MAD1L1: variants seen among roughly 807,000 people sequenced by gnomAD.
MAD1L1 encodes mitotic arrest deficient 1 like 1.
MAD1L1 carries 95 observed loss-of-function variants against 96.9 expected under a neutral mutation model. That is an observed-to-expected ratio of 0.98 (90% CI 0.83 to 1.16). The LOEUF (loss-of-function observed/expected upper bound fraction) is 1.16, where lower values mean the gene tolerates loss of function less well. Ranked by LOEUF, MAD1L1 falls within the 50% of genes most tolerant of loss-of-function variation. The pLI is 0.00. For synonymous variants in MAD1L1, 473 were observed against 396.6 expected (o/e 1.19, Z -2.29); for missense variants, 1,007 against 954.4 (o/e 1.06, Z -0.73).
intron 12 of MAD1L1, among the ~76,000 whole-genome samples, chr7:2,057,516 C>T (rs540813754): frequency 6.6e-6 from 1 of 151,832 alleles, no homozygotes; most frequent in African/African-American, 2.4e-5. Flanking sequence ...TCCATTCCCC[C>T]CACCGCCCCC....
chr7:2,157,669 C>T (rs1387257628), intron 10 of MAD1L1, among the ~76,000 whole-genome samples: 2 of 151,540 alleles, frequency 1.3e-5, no homozygotes, highest in Non-Finnish European at 2.9e-5. Flanking sequence ...CTGGCTGTCA[C>T]GAGCTCCACA....
intron 10 of MAD1L1, among the ~76,000 whole-genome samples, chr7:2,171,820 C>G (rs1004139773): frequency 6.6e-6 from 1 of 152,224 alleles, no homozygotes; most frequent in African/African-American, 2.4e-5. Context: ...GAGGCCTCAC[C>G]GTGCCCAGTA....
At chr7:1,884,538 A>G (rs1785891065) in intron 18 of MAD1L1, among the ~76,000 whole-genome samples, 1 of 152,074 alleles carries the variant, frequency 6.6e-6, no homozygotes. Flanking sequence ...CCTCAGCCCA[A>G]ACTCCCATTG....
intron 11 of MAD1L1, among the ~76,000 whole-genome samples, chr7:2,081,197 G>A (rs779052115): frequency 5.9e-5 from 9 of 152,106 alleles, no homozygotes; most frequent in Non-Finnish European, 8.8e-5. Context: ...AAGCTGGGCC[G>A]GGGTGGGGAG....
chr7:2,014,549 C>T lies in MAD1L1; in HGVS notation c.1312G>A (p.Ala438Thr). 6.2e-7 allele frequency: 1 copy of T among 1,610,418 alleles called. No homozygotes were observed. The highest frequency in any genetic ancestry group is 8.5e-7 in the Non-Finnish European group (1 of 1,179,704). The stretch of plus-strand genomic sequence containing the variant: ...TGCACCTTCTGCACCATATCCTCAG[C>T]CTCCCGCATGCGCCGCGTCAGCTGG... ...SPQLTRRMREAEDMVQKVHSH... is the reference protein window; with the variant it reads ...SPQLTRRMRETEDMVQKVHSH... The change falls in exon 13 of 19, where the codon GCT becomes ACT. Residue 438 changes from alanine (A) to threonine (T), a missense_variant. Ala to Thr is a moderately conservative substitution (Grantham distance 58). Coordinates refer to ENST00000265854, the MANE Select transcript of MAD1L1 (RefSeq NM_001013836.2).
At chr7:1,950,243 TG>T (rs1779427527) in intron 16 of MAD1L1, among the ~76,000 whole-genome samples, 1 of 152,160 alleles carries the variant, frequency 6.6e-6, no homozygotes, top group Non-Finnish European at 1.5e-5. Flanking sequence ...CTCAGTCTCA[TG>T]TCACCCAGCG....
intron 10 of MAD1L1, among the ~76,000 whole-genome samples, chr7:2,208,903 C>T (rs1048507142): frequency 5.9e-5 from 9 of 152,106 alleles, no homozygotes; most frequent in Non-Finnish European, 7.4e-5. Context: ...CTGATCACAT[C>T]GCTGCCTCCA....
intron 18 of MAD1L1, among the ~76,000 whole-genome samples, chr7:1,891,209 T>A (rs1786517394): frequency 6.6e-6 from 1 of 152,238 alleles, no homozygotes; most frequent in African/African-American, 2.4e-5. Flanking sequence ...GTGCTTGTGC[T>A]TTAAGCTAAG....
chr7:2,151,904 C>A (rs1789590324), intron 10 of MAD1L1, among the ~76,000 whole-genome samples: 1 of 152,224 alleles, frequency 6.6e-6, no homozygotes, highest in Non-Finnish European at 1.5e-5. Context: ...CTCATTCTGG[C>A]ACTGATGGGC....
At chr7:1,844,539 C>T (rs988013614) in intron 18 of MAD1L1, among the ~76,000 whole-genome samples, 3 of 152,160 alleles carry the variant, frequency 2.0e-5, no homozygotes, top group Admixed American at 6.5e-5. Flanking sequence ...CAGGGAGAGG[C>T]GCAGGCAGGG....
intron 10 of MAD1L1, among the ~76,000 whole-genome samples, chr7:2,185,264 A>G (rs1250984812): frequency 1.3e-5 from 2 of 151,536 alleles, no homozygotes; most frequent in African/African-American, 2.4e-5. Context: ...GAATAAACAC[A>G]GTACAATTCC....
intron 16 of MAD1L1, among the ~76,000 whole-genome samples, chr7:1,941,623 A>G (rs1779003088): frequency 6.6e-6 from 1 of 152,178 alleles, no homozygotes; most frequent in South Asian, 2.1e-4. Flanking sequence ...CTCAGCCGCT[A>G]CGCATGCACC....
intron 15 of MAD1L1, among the ~76,000 whole-genome samples, chr7:1,975,283 C>T (rs1780585884): frequency 6.6e-6 from 1 of 152,238 alleles, no homozygotes; most frequent in African/African-American, 2.4e-5. Context: ...GCCACGCCTT[C>T]CCACCTGGGA....
chr7:2,232,704 C>G lies in MAD1L1; in HGVS notation c.-190+168G>C, dbSNP rs1794270672. Among the ~76,000 whole-genome samples, 3 of 152,222 alleles carry G rather than the reference C, an allele frequency of 2.0e-5. 1 individual carries two copies. The highest frequency in any genetic ancestry group is 7.2e-5 in the African/African-American group (3 of 41,544). On this transcript the variant is annotated intron_variant, in intron 1 of 18. Transcript: ENST00000265854. ...GGAGGGGAGAGCACAGAGAGGAGAG[C>G]GCGCCCATGGGAGACGGGGCGGGCG...
At chr7:2,014,091 A>C (rs1181564164) in intron 13 of MAD1L1, among the ~76,000 whole-genome samples, 2 of 152,150 alleles carry the variant, frequency 1.3e-5, no homozygotes, top group Non-Finnish European at 2.9e-5. Context: ...GCCCCAGCAG[A>C]GCCTCCCCAG....
At position 1,935,372 on chromosome 7, in the gene MAD1L1, G is replaced by A. The variant is rs985339575; in HGVS notation, c.1807+1315C>T. 3.9e-5 allele frequency among the ~76,000 whole-genome samples: 6 copies of A among 152,294 alleles called. No homozygotes were observed. In the East Asian group the frequency reaches 5.8e-4, roughly 15 times the overall value. ...AGGAGCCCCCGACTGCCATCAGCTCGCCCCTCAATCTGGCAACACAGGCCC... is the reference window on the plus strand; with the variant it reads ...AGGAGCCCCCGACTGCCATCAGCTCACCCCTCAATCTGGCAACACAGGCCC... On this transcript the variant is annotated intron_variant, in intron 17 of 18. Transcript: ENST00000265854.
At chr7:2,017,764 T>C (rs965910297) in intron 12 of MAD1L1, among the ~76,000 whole-genome samples, 2 of 152,276 alleles carry the variant, frequency 1.3e-5, no homozygotes, top group Non-Finnish European at 2.9e-5. Context: ...GCCCCAAGCA[T>C]GCCGATGATT....
chr7:2,161,154 C>T (rs1248095711), intron 10 of MAD1L1, among the ~76,000 whole-genome samples: 1 of 141,196 alleles, frequency 7.1e-6, no homozygotes, highest in Non-Finnish European at 1.6e-5. Context: ...CCTCTGATGC[C>T]GAGCCGAGGC....
At chr7:1,837,956 C>G (rs1783024564) in intron 18 of MAD1L1, among the ~76,000 whole-genome samples, 1 of 152,244 alleles carries the variant, frequency 6.6e-6, no homozygotes, top group Non-Finnish European at 1.5e-5. Context: ...GCAGGTCCAG[C>G]TGTCACAGGC....
Sources: gnomAD v4.1 joint callset for allele counts (sites outside exome capture counted in the v4.1 genomes callset) on GRCh38, gnomAD v4.1.1 for gene constraint, MANE v1.5 for transcripts, NCBI Gene and HGNC (gene_info 2026-07-23, HGNC 2026-07-21) for gene names.